The following TNRC6B variants were observed in gnomAD, a reference collection of about 807,000 sequenced individuals.
The protein encoded by TNRC6B is trinucleotide repeat-containing gene 6B protein.
In TNRC6B, 52 loss-of-function variants were observed where a neutral mutation model predicts 203.6. The observed-to-expected ratio is 0.26, with a 90% confidence interval of 0.20 to 0.32. The LOEUF is 0.32. Among genes scored for constraint, TNRC6B ranks in the 10% least tolerant of loss-of-function variants. The probability of loss-of-function intolerance (pLI) is 1.00; values close to 1 mark genes in which losing one functional copy is unlikely to be tolerated. For missense variants in TNRC6B, 1,923 were observed against 2,286.2 expected (o/e 0.84, Z 3.24); for synonymous variants, 838 against 845.7 (o/e 0.99, Z 0.16).
intron 3 of TNRC6B, among the ~76,000 whole-genome samples, chr22:40,152,467 C>T (rs1354353323): frequency 6.6e-6 from 1 of 152,210 alleles, no homozygotes; most frequent in Non-Finnish European, 1.5e-5. Context: ...GCTTGGACTA[C>T]AGGTGCCCAC....
intron 1 of TNRC6B, among the ~76,000 whole-genome samples, chr22:40,230,282 C>CTTTTTT (rs56122256): frequency 7.4e-5 from 7 of 94,460 alleles, no homozygotes; most frequent in Admixed American, 2.5e-4. Flanking sequence ...TGCCCATCTT[C>CTTTTTT]TTTTTTTTTT....
intron 1 of TNRC6B, among the ~76,000 whole-genome samples, chr22:40,095,628 A>G (rs1281091567): frequency 4.0e-5 from 6 of 151,180 alleles, no homozygotes; most frequent in Non-Finnish European, 2.9e-5. Context: ...ACTGACCTAC[A>G]TTGTGACTGA....
chr22:40,261,595 AAAATAAAT>A (rs758337181), intron 3 of TNRC6B, among the ~76,000 whole-genome samples: 14 of 151,830 alleles, frequency 9.2e-5, no homozygotes, highest in African/African-American at 2.7e-4. Context: ...CTCCGTCTCA[AAAATAAAT>A]AAATAAATAA....
In TNRC6B at chr22:40,060,144, C is replaced by CTTT. The variant is rs1175503527; in HGVS notation, c.-121+15159_-121+15161dup. Among the ~76,000 whole-genome samples the CTTT allele has an allele frequency of 3.7e-3, 464 of 125,286 alleles. 7 individuals are homozygous for CTTT. The highest frequency in any genetic ancestry group is 0.013 in the African/African-American group (436 of 34,352). 82.2% of individuals were successfully genotyped at this position (125,286 alleles called of 152,430 possible). On this transcript the variant is annotated intron_variant, in intron 1 of 23. Coordinates refer to the TNRC6B transcript ENST00000301923. Reference sequence around the variant, plus strand: ...TGTGCCCGGCCATCATTTTTTTTTTCTTTTTTTTTTTTTTTAATTTAGCAA... The same window carrying CTTT: ...TGTGCCCGGCCATCATTTTTTTTTTCTTTTTTTTTTTTTTTTTTAATTTAGCAA...
rs752917831 is a variant in TNRC6B at position 40,280,156 on chromosome 22, CTTTG to C, written c.3411+17_3411+20del. ...TTATTTTGAGAAGGTGAGTTGAATCCTTTGTTTAAGATAATAATTCATGAGAACC... is the reference window on the plus strand; with the variant it reads ...TTATTTTGAGAAGGTGAGTTGAATCCTTTAAGATAATAATTCATGAGAACC... On this transcript the variant is annotated intron_variant, in intron 10 of 22. Coordinates refer to ENST00000454349, the MANE Select transcript of TNRC6B (RefSeq NM_001162501.2). The C allele has an allele frequency of 5.0e-5, 81 of 1,609,256 alleles. No homozygotes were observed. The highest frequency in any genetic ancestry group is 1.5e-4 in the Admixed American group (9 of 59,344).
intron 9 of TNRC6B, 88 bp from the exon 10 acceptor site, chr22:40,279,907 C>A: frequency 8.6e-7 from 1 of 1,163,336 alleles, no homozygotes; most frequent in Non-Finnish European, 1.3e-6. Flanking sequence ...ACCCAGCACC[C>A]CCATGAGGAT....
chr22:40,078,716 C>T (rs1326737213), intron 1 of TNRC6B, among the ~76,000 whole-genome samples: 6 of 152,018 alleles, frequency 3.9e-5, no homozygotes, highest in African/African-American at 1.2e-4. Flanking sequence ...CCTCAGCCTC[C>T]CAAATAGCTG....
At chr22:40,258,677 A>G (rs1310454990) in intron 3 of TNRC6B, among the ~76,000 whole-genome samples, 1 of 152,110 alleles carries the variant, frequency 6.6e-6, no homozygotes, top group African/African-American at 2.4e-5. Context: ...AGCACACTGT[A>G]TTGGGAGGAA....
chr22:40,194,756 C>G (rs948383729), intron 1 of TNRC6B, among the ~76,000 whole-genome samples: 5 of 152,222 alleles, frequency 3.3e-5, no homozygotes, highest in African/African-American at 1.2e-4. Flanking sequence ...CTTGTCCTCC[C>G]CCCACCAATA....
At chr22:40,194,759 C>A (rs748208358) in intron 1 of TNRC6B, among the ~76,000 whole-genome samples, 2 of 152,206 alleles carry the variant, frequency 1.3e-5, no homozygotes, top group East Asian at 1.9e-4. Context: ...GTCCTCCCCC[C>A]ACCAATAGAG....
intron 4 of TNRC6B, among the ~76,000 whole-genome samples, chr22:40,158,482 A>T (rs1174809955): frequency 6.6e-6 from 1 of 152,230 alleles, no homozygotes; most frequent in East Asian, 1.9e-4. Flanking sequence ...CCATTTCTCA[A>T]ACAAACCAGT....
intron 1 of TNRC6B, among the ~76,000 whole-genome samples, chr22:40,245,569 T>C (rs1485202632): frequency 1.3e-5 from 2 of 152,012 alleles, no homozygotes; most frequent in Non-Finnish European, 2.9e-5. Context: ...GAAGATGAAA[T>C]GGGAAAACAC....
At chr22:40,156,150 C>T in exon 4 of TNRC6B, 1 of 1,581,242 alleles carries the variant, frequency 6.3e-7, no homozygotes, top group Non-Finnish European at 8.6e-7. Flanking sequence ...AAGGGCATGG[C>T]AAGACTCCAC....
chr22:40,183,995 G>A (rs1464956931), intron 1 of TNRC6B, among the ~76,000 whole-genome samples: 3 of 152,126 alleles, frequency 2.0e-5, no homozygotes, highest in African/African-American at 4.8e-5. Context: ...GTGCACAACA[G>A]CCAGTTTTGA....
intron 1 of TNRC6B, among the ~76,000 whole-genome samples, chr22:40,207,503 A>G (rs1333484235): frequency 6.6e-6 from 1 of 150,770 alleles, no homozygotes; most frequent in Non-Finnish European, 1.5e-5. Flanking sequence ...TTATATCATG[A>G]TAAGAACTTA....
chr22:40,206,281 A>G (rs540135316), intron 1 of TNRC6B, among the ~76,000 whole-genome samples: 11 of 152,288 alleles, frequency 7.2e-5, no homozygotes, highest in African/African-American at 2.6e-4. Flanking sequence ...AAAGATCAGC[A>G]AAGTTTTGTC....
intron 6 of TNRC6B, among the ~76,000 whole-genome samples, chr22:40,272,545 C>G (rs1028142093): frequency 1.3e-5 from 2 of 152,170 alleles, no homozygotes; most frequent in African/African-American, 2.4e-5. Context: ...AGTTTCCAGG[C>G]AAGAGAATGT....
intron 4 of TNRC6B, among the ~76,000 whole-genome samples, chr22:40,160,452 G>A (rs1200657347): frequency 7.2e-6 from 1 of 139,270 alleles, no homozygotes; most frequent in Non-Finnish European, 1.5e-5. Flanking sequence ...CTCCAGCCTG[G>A]GCAACAAGAG....
In TNRC6B at chr22:40,331,670, T is replaced by TTTTTTTTG. The variant is rs2071468433; in HGVS notation, c.*8429_*8430insTTTTTTTG. The stretch of plus-strand genomic sequence containing the variant: ...ATTTTTTTTTTTTTTTTTTTTTTTT[T>TTTTTTTTG]CAAAAAAAAAAGTCCCACATGTGGT... On this transcript the variant is annotated 3_prime_UTR_variant, in exon 23 of 23. Coordinates refer to ENST00000454349, the MANE Select transcript of TNRC6B (RefSeq NM_001162501.2). 1 of 190,830 alleles carries TTTTTTTTG rather than the reference T, an allele frequency of 5.2e-6. No homozygotes were observed. The highest frequency in any genetic ancestry group is 9.2e-6 in the Non-Finnish European group (1 of 108,412). The allele number at this position is 190,830 out of a possible 1,614,324, so 11.8% of individuals were successfully genotyped here. A position where few individuals can be genotyped will look rare whatever the true frequency, so the allele number is the denominator to read the frequency against.
Sources: gnomAD v4.1 joint callset for allele counts (sites outside exome capture counted in the v4.1 genomes callset) on GRCh38, gnomAD v4.1.1 for gene constraint, MANE v1.5 for transcripts, NCBI Gene and HGNC (gene_info 2026-07-23, HGNC 2026-07-21) for gene names.